Variants in TRPC4 observed in about 807,000 individuals in gnomAD.
The protein encoded by TRPC4 is transient receptor potential cation channel subfamily C member 4, also known as short transient receptor potential channel 4.
TRPC4 carries 49 observed loss-of-function variants against 99.4 expected under a neutral mutation model. The observed-to-expected ratio is 0.49, with a 90% CI of 0.39 to 0.63. TRPC4 has a LOEUF of 0.63. Among genes scored for constraint, TRPC4 ranks in the 20% least tolerant of loss-of-function variants. The pLI is 0.00. For synonymous variants in TRPC4, 454 were observed against 425.9 expected, an observed-to-expected ratio of 1.07 and a Z score of -0.81; for missense variants, 898 against 1,152.9, an observed-to-expected ratio of 0.78 and a Z score of 3.20.
intron 6 of TRPC4, among the ~76,000 whole-genome samples, chr13:37,656,308 A>C (rs1159212529): frequency 1.3e-5 from 2 of 152,166 alleles, no homozygotes; most frequent in African/African-American, 4.8e-5. Context: ...TATTTAAATT[A>C]CAAAAATAAA....
chr13:37,696,933 T>TTA (rs1566104165), intron 3 of TRPC4, among the ~76,000 whole-genome samples: 1 of 148,636 alleles, frequency 6.7e-6, no homozygotes, highest in African/African-American at 2.5e-5. Context: ...TTTTTTTTTT[T>TTA]AAATCTTTTA....
At position 37,634,965 on chromosome 13, in the gene TRPC4, G is replaced by T. The variant is rs150861479; in HGVS notation, c.*1938C>A. Among the ~76,000 whole-genome samples the T allele has an allele frequency of 6.6e-6, 1 of 152,142 alleles. No homozygotes were observed. On this transcript the variant is annotated 3_prime_UTR_variant, in exon 11 of 11. Transcript: ENST00000379705. ...AAACCAGGTTTAGGAGTGAACAGGG[G>T]CTTAGTGCTCCTGGCTTTTCTGAAA...
intron 1 of TRPC4, among the ~76,000 whole-genome samples, chr13:37,842,342 CCAAAAAAAAAAAAA>C (rs1393104370): frequency 4.2e-5 from 2 of 47,854 alleles, no homozygotes; most frequent in African/African-American, 2.3e-4. Context: ...TAGCGTCTAG[CCAAAAAAAAAAAAA>C]AAAAAAAAAA....
At chr13:37,755,446 A>G (rs7490293) in intron 2 of TRPC4, among the ~76,000 whole-genome samples, 4 of 151,022 alleles carry the variant, frequency 2.6e-5, no homozygotes, top group African/African-American at 7.3e-5. Flanking sequence ...TTATTTTTTT[A>G]TTTTTAGTAG....
chr13:37,729,473 C>T (rs1308392654), intron 3 of TRPC4, among the ~76,000 whole-genome samples: 1 of 152,032 alleles, frequency 6.6e-6, no homozygotes, highest in Non-Finnish European at 1.5e-5. Flanking sequence ...TCAGAAGTTC[C>T]ACTTCTGGGG....
At chr13:37,834,270 A>G (rs1958500827) in intron 1 of TRPC4, among the ~76,000 whole-genome samples, 1 of 152,244 alleles carries the variant, frequency 6.6e-6, no homozygotes, top group Admixed American at 6.5e-5. Context: ...GCATCCTTCC[A>G]AATTCTAATT....
intron 5 of TRPC4, among the ~76,000 whole-genome samples, chr13:37,672,728 A>G (rs1286357268): frequency 6.6e-6 from 1 of 152,252 alleles, no homozygotes; most frequent in Non-Finnish European, 1.5e-5. Flanking sequence ...CCTACCTCTT[A>G]CAGAAATGCA....
At chr13:37,694,631 T>C (rs1953848559) in intron 3 of TRPC4, among the ~76,000 whole-genome samples, 1 of 152,260 alleles carries the variant, frequency 6.6e-6, no homozygotes, top group South Asian at 2.1e-4. Flanking sequence ...ATTTTTTATT[T>C]ATTTTTTTTC....
At chr13:37,724,997 T>C (rs1351679175) in intron 3 of TRPC4, among the ~76,000 whole-genome samples, 2 of 151,990 alleles carry the variant, frequency 1.3e-5, no homozygotes, top group African/African-American at 2.4e-5. Flanking sequence ...TGAAGGTGCT[T>C]AAAGAACTAA....
chr13:37,640,084 GA>G (rs565003651), intron 8 of TRPC4, among the ~76,000 whole-genome samples: 10 of 151,552 alleles, frequency 6.6e-5, no homozygotes, highest in South Asian at 2.1e-4. Context: ...AAAGATATTA[GA>G]AAAAAACCCT....
At chr13:37,677,135 A>C (rs1566088911) in intron 4 of TRPC4, among the ~76,000 whole-genome samples, 1 of 152,042 alleles carries the variant, frequency 6.6e-6, no homozygotes, top group Admixed American at 6.5e-5. Context: ...AAGCAGAATA[A>C]TATTTTTGAA....
intron 1 of TRPC4, among the ~76,000 whole-genome samples, chr13:37,795,365 C>A (rs1957218876): frequency 6.6e-6 from 1 of 152,022 alleles, no homozygotes; most frequent in South Asian, 2.1e-4. Context: ...ACCACCAAAC[C>A]CTGACCAAAG....
At chr13:37,732,521 A>G (rs1955271989) in intron 3 of TRPC4, among the ~76,000 whole-genome samples, 1 of 152,150 alleles carries the variant, frequency 6.6e-6, no homozygotes, top group Non-Finnish European at 1.5e-5. Context: ...AAGAAGAAGT[A>G]AAATTAACCC....
At chr13:37,709,740 A>G (rs1165788487) in intron 3 of TRPC4, among the ~76,000 whole-genome samples, 1 of 152,024 alleles carries the variant, frequency 6.6e-6, no homozygotes, top group Non-Finnish European at 1.5e-5. Flanking sequence ...ATAAAACATT[A>G]TAGCTATTTA....
intron 4 of TRPC4, among the ~76,000 whole-genome samples, chr13:37,678,245 CA>C (rs1485091293): frequency 2.0e-5 from 3 of 151,596 alleles, no homozygotes; most frequent in Non-Finnish European, 4.4e-5. Context: ...CCAAAACAAG[CA>C]GAAAGAAGAA....
chr13:37,814,924 C>G (rs1451784423), intron 1 of TRPC4, among the ~76,000 whole-genome samples: 1 of 151,740 alleles, frequency 6.6e-6, no homozygotes. Context: ...TATCTGATTT[C>G]TAAACTTACT....
At chr13:37,772,058 A>G (rs17056620) in intron 2 of TRPC4, among the ~76,000 whole-genome samples, 17,366 of 151,672 alleles carry the variant, frequency 0.11, 1,624 homozygotes, top group African/African-American at 0.26. Context: ...ATCAAGCCTG[A>G]GAGGTTTACC....
At position 37,724,071 on chromosome 13, in the gene TRPC4, T is replaced by G. The variant is rs146857109; in HGVS notation, c.897+21866A>C. Among the ~76,000 whole-genome samples the G allele has an allele frequency of 5.5e-3, 839 of 152,246 alleles. 9 individuals are homozygous for G. Among genetic ancestry groups the G allele is most frequent in the African/African-American group, 0.019 (788 of 41,558 alleles). On this transcript the variant is annotated intron_variant, in intron 3 of 10. Coordinates refer to ENST00000379705, the MANE Select transcript of TRPC4 (RefSeq NM_016179.4). ...AATTAGGGATTAATTTTATAAATAATGATTCATTCATTATTTATGAATTCC... is the reference window on the plus strand; with the variant it reads ...AATTAGGGATTAATTTTATAAATAAGGATTCATTCATTATTTATGAATTCC...
intron 4 of TRPC4, among the ~76,000 whole-genome samples, chr13:37,675,366 C>T (rs1040587818): frequency 2.6e-5 from 4 of 152,136 alleles, no homozygotes; most frequent in African/African-American, 9.7e-5. Context: ...AGCTCACCTG[C>T]GGCAGAGTAT....
Sources: allele counts gnomAD v4.1 joint callset (sites outside exome capture counted in the v4.1 genomes callset), GRCh38; gene constraint gnomAD v4.1.1; transcripts MANE v1.5; gene names NCBI Gene and HGNC (gene_info 2026-07-23, HGNC 2026-07-21).